PTPRG: variants seen among roughly 807,000 people sequenced by gnomAD.
PTPRG encodes the protein receptor-type tyrosine-protein phosphatase gamma.
In PTPRG, 102 loss-of-function variants were observed where a neutral mutation model predicts 165.3. The ratio of observed to expected loss-of-function variants is 0.62; its 90% CI spans 0.53 to 0.73. The LOEUF (loss-of-function observed/expected upper bound fraction) is 0.73, where lower values mean the gene tolerates loss of function less well. Among genes scored for constraint, PTPRG ranks in the 30% least tolerant of loss-of-function variants. The pLI is 0.00. For synonymous variants in PTPRG, 675 were observed against 669.5 expected, an observed-to-expected ratio of 1.01 and a Z score of -0.13; for missense variants, 1,866 against 1,861.4, an observed-to-expected ratio of 1.00 and a Z score of -0.05.
chr3:61,840,876 T>C (rs1323557216), intron 2 of PTPRG, among the ~76,000 whole-genome samples: 1 of 143,340 alleles, frequency 7.0e-6, no homozygotes, highest in Non-Finnish European at 1.5e-5. Flanking sequence ...CTCCACCACC[T>C]GGGCAAGCAA....
intron 1 of PTPRG, among the ~76,000 whole-genome samples, chr3:61,670,838 C>G (rs55869022): frequency 0.09 from 13,751 of 152,182 alleles, 741 homozygotes; most frequent in Non-Finnish European, 0.12. Flanking sequence ...AGAAAAGAGA[C>G]CTTCGTTGGC....
chr3:61,585,343 G>A (rs922382811), intron 1 of PTPRG, among the ~76,000 whole-genome samples: 5 of 151,678 alleles, frequency 3.3e-5, no homozygotes, highest in Non-Finnish European at 5.9e-5. Flanking sequence ...ATATAGGTAC[G>A]TGGAGGAAAA....
At position 62,254,336 on chromosome 3, in the gene PTPRG, C is replaced by T. The variant is rs1701486047; in HGVS notation, c.2468-788C>T. On this transcript the variant is annotated intron_variant, in intron 15 of 29. Transcript: ENST00000474889. The surrounding 1 kb of genome is among the most constrained non-coding windows in gnomAD (Gnocchi z 4.6). ...AGAAGGGAAGAAGGAGGTTGGGGAGCTCCAGTTAGTTGGGTGTGGCTATTT... is the reference window on the plus strand; with the variant it reads ...AGAAGGGAAGAAGGAGGTTGGGGAGTTCCAGTTAGTTGGGTGTGGCTATTT... Among the ~76,000 whole-genome samples, 1 of 152,078 alleles carries T rather than the reference C, an allele frequency of 6.6e-6. No homozygotes were observed. The highest frequency in any genetic ancestry group is 6.6e-5 in the Admixed American group (1 of 15,258).
chr3:61,774,624 C>T (rs1286337921), intron 2 of PTPRG, among the ~76,000 whole-genome samples: 2 of 152,216 alleles, frequency 1.3e-5, no homozygotes, highest in Non-Finnish European at 2.9e-5. Flanking sequence ...GTCTTGCACA[C>T]TCTCTTGGGA....
chr3:61,572,274 T>G (rs528743141), intron 1 of PTPRG, among the ~76,000 whole-genome samples: 1 of 152,356 alleles, frequency 6.6e-6, no homozygotes, highest in Admixed American at 6.5e-5. Context: ...CATGAAACCT[T>G]ATTTCTTCTG....
chr3:62,001,848 A>G (rs372705075), intron 3 of PTPRG, among the ~76,000 whole-genome samples: 3 of 152,182 alleles, frequency 2.0e-5, no homozygotes, highest in African/African-American at 4.8e-5. Flanking sequence ...TCTGTGCTAT[A>G]AAGACAAGAT....
At position 61,647,607 on chromosome 3, in the gene PTPRG, A is replaced by G. The variant is rs562091293; in HGVS notation, c.85+85235A>G. Among the ~76,000 whole-genome samples, 606 of 152,030 alleles carry G rather than the reference A, an allele frequency of 4.0e-3. 5 individuals are homozygous for G. Among genetic ancestry groups the G allele is most frequent in the African/African-American group, 0.012 (509 of 41,466 alleles). On this transcript the variant is annotated intron_variant, in intron 1 of 29. Coordinates refer to ENST00000474889, the MANE Select transcript of PTPRG (RefSeq NM_002841.4). ...AGATCGAGACCATCCTGGCTAACAC[A>G]GTGAAACCCCGTCTCCACTAAAAAA...
chr3:61,958,041 A>G (rs2040072057), intron 2 of PTPRG, among the ~76,000 whole-genome samples: 1 of 152,164 alleles, frequency 6.6e-6, no homozygotes, highest in African/African-American at 2.4e-5. Flanking sequence ...CAAGCAAACC[A>G]TGTTAGACTT....
intron 2 of PTPRG, among the ~76,000 whole-genome samples, chr3:61,887,152 A>ATTTTTTTTTTTT (rs2038068255): frequency 1.7e-5 from 1 of 58,310 alleles, no homozygotes; most frequent in African/African-American, 3.8e-5. Context: ...ATATATATAT[A>ATTTTTTTTTTTT]TATATATATA....
intron 1 of PTPRG, among the ~76,000 whole-genome samples, chr3:61,594,626 G>C (rs570953550): frequency 2.0e-5 from 3 of 152,276 alleles, no homozygotes; most frequent in Admixed American, 2.0e-4. Flanking sequence ...TAGGTAGACT[G>C]TTACTCATTT....
chr3:61,734,280 C>T (rs2032632596), intron 1 of PTPRG, among the ~76,000 whole-genome samples: 1 of 152,106 alleles, frequency 6.6e-6, no homozygotes, highest in Admixed American at 6.5e-5. Context: ...TTTTTTCTCT[C>T]CTACTTTTTG....
intron 6 of PTPRG, among the ~76,000 whole-genome samples, chr3:62,142,039 C>T (rs1297321018): frequency 6.6e-6 from 1 of 150,718 alleles, no homozygotes; most frequent in Non-Finnish European, 1.5e-5. Context: ...AACATTTCAC[C>T]ACGATGGGAA....
chr3:61,934,077 T>C (rs1237405848), intron 2 of PTPRG, among the ~76,000 whole-genome samples: 2 of 152,224 alleles, frequency 1.3e-5, no homozygotes, highest in African/African-American at 4.8e-5. Flanking sequence ...TGGGGACATT[T>C]AGCTTGTTCT....
At chr3:61,869,435 G>C (rs966289667) in intron 2 of PTPRG, among the ~76,000 whole-genome samples, 1 of 152,148 alleles carries the variant, frequency 6.6e-6, no homozygotes, top group African/African-American at 2.4e-5. Flanking sequence ...AATGAATATT[G>C]CTTTTCAGTC....
At chr3:61,982,880 A>G (rs1334167958) in intron 2 of PTPRG, among the ~76,000 whole-genome samples, 3 of 152,086 alleles carry the variant, frequency 2.0e-5, no homozygotes, top group South Asian at 2.1e-4. Flanking sequence ...GTTAGTTTCT[A>G]TTTCTGGTGT....
Position 62,245,723 on chromosome 3 carries a change from A to C in PTPRG, c.2467+1825A>C, listed in dbSNP as rs1701274094. On this transcript the variant is annotated intron_variant, in intron 15 of 29. Transcript: ENST00000474889. This position sits in a 1 kb window ranked among gnomAD's most constrained non-coding sequence, Gnocchi z 4.2. The stretch of plus-strand genomic sequence containing the variant: ...AAAGCACTTTGGAAACCATACATTA[A>C]GCGAAACGTGTAAGCTGTTGCAACT... Among the ~76,000 whole-genome samples the C allele has an allele frequency of 6.6e-6, 1 of 152,230 alleles. No individual in the cohort carries two copies. The highest frequency in any genetic ancestry group is 1.9e-4 in the East Asian group (1 of 5,164).
intron 17 of PTPRG, among the ~76,000 whole-genome samples, chr3:62,265,036 A>G (rs895223470): frequency 9.3e-5 from 14 of 151,286 alleles, no homozygotes; most frequent in African/African-American, 2.7e-4. Context: ...CATGTCCCCA[A>G]TTATTAGTGA....
intron 1 of PTPRG, among the ~76,000 whole-genome samples, chr3:61,711,206 A>T (rs2031535743): frequency 6.6e-6 from 1 of 152,142 alleles, no homozygotes; most frequent in Admixed American, 6.6e-5. Context: ...AGTCTTTGCT[A>T]TGGTGAATAG....
chr3:61,772,273 G>A (rs953137882), intron 2 of PTPRG, among the ~76,000 whole-genome samples: 17 of 151,940 alleles, frequency 1.1e-4, no homozygotes, highest in Non-Finnish European at 2.2e-4. Context: ...TGAAGCACTC[G>A]TTTAGTGTTG....
Sources: gnomAD v4.1 joint callset for allele counts (sites outside exome capture counted in the v4.1 genomes callset) on GRCh38, gnomAD v4.1.1 for gene constraint, Gnocchi (gnomAD v3.1) non-coding constraint, MANE v1.5 for transcripts, NCBI Gene and HGNC (gene_info 2026-07-23, HGNC 2026-07-21) for gene names.